ZNF616: variants seen among roughly 807,000 people sequenced by gnomAD.
ZNF616 encodes zinc finger protein 616.
In ZNF616, 5 loss-of-function variants were observed where a neutral mutation model predicts 7.6. The observed-to-expected ratio is 0.66, with a 90% CI of 0.34 to 1.38. The LOEUF is 1.38. Ranked by LOEUF, ZNF616 falls within the 40% of genes most tolerant of loss-of-function variation. The probability of loss-of-function intolerance (pLI) is 0.04; values close to 1 mark genes in which losing one functional copy is unlikely to be tolerated. For missense variants in ZNF616, 913 were observed against 948.3 expected (o/e 0.96, Z 0.49); for synonymous variants, 319 against 317.2 (o/e 1.01, Z -0.06).
At chr19:52,137,715 C>A (rs2089024910) in intron 1 of ZNF616, among the ~76,000 whole-genome samples, 1 of 152,092 alleles carries the variant, frequency 6.6e-6, no homozygotes, top group Non-Finnish European at 1.5e-5. Flanking sequence ...GGTGAGTTTA[C>A]CGCACTGGAC....
rs566783330 is a variant in ZNF616 at position 52,119,610 on chromosome 19, G to C, written c.140-2586C>G. 5.3e-5 allele frequency among the ~76,000 whole-genome samples: 8 copies of C among 152,174 alleles called. No individual in the cohort carries two copies. In the East Asian group the frequency reaches 1.4e-3, roughly 26 times the overall value. On this transcript the variant is annotated intron_variant, in intron 3 of 3. Transcript: ENST00000600228. ...AGGAGTAATGTGCATGGGGCAGCAG[G>C]GTTTGTGCTTGCAGAGCTGTAGGTA...
intron 1 of ZNF616, among the ~76,000 whole-genome samples, chr19:52,137,050 T>C (rs2089015935): frequency 1.3e-5 from 1 of 74,234 alleles, no homozygotes; most frequent in African/African-American, 5.0e-5. Context: ...TATTTATGTA[T>C]GTGTATATAT....
At position 52,116,596 on chromosome 19, in the gene ZNF616, A is replaced by G. The variant is rs1168826693; in HGVS notation, c.568T>C (p.Cys190Arg). ...GAAGACGCTTTAAAGGCTTTGCCAC[A>G]TTCATTACATACATACGTTTTTTCC... Reference protein sequence around the residue: ...IREKTYVCNECGKAFKASSSL... With the variant: ...IREKTYVCNERGKAFKASSSL... Residue 190 changes from cysteine to arginine, a missense_variant, in exon 4 of 4, where the codon TGT becomes CGT. By Grantham distance (180) the Cys-to-Arg change is radical (BLOSUM62 -3). Coordinates refer to ENST00000600228, the MANE Select transcript of ZNF616 (RefSeq NM_178523.5). 3 of 1,614,000 alleles carry G rather than the reference A, an allele frequency of 1.9e-6. No homozygotes were observed. Among genetic ancestry groups the G allele is most frequent in the African/African-American group, 2.7e-5 (2 of 74,934 alleles).
chr19:52,121,180 G>A (rs1406332019), intron 3 of ZNF616, among the ~76,000 whole-genome samples: 6 of 152,176 alleles, frequency 3.9e-5, no homozygotes, highest in Non-Finnish European at 8.8e-5. Context: ...TCAGCCTCCC[G>A]AGTAGCTGGG....
Position 52,114,862 on chromosome 19 carries a change from T to TA in ZNF616, c.2301dup (p.Thr768TyrfsTer8), listed in dbSNP as rs773704475. The TA allele has an allele frequency of 6.2e-7, 1 of 1,608,008 alleles. No homozygotes were observed. The highest frequency in any genetic ancestry group is 1.7e-5 in the Admixed American group (1 of 59,260). On this transcript the variant is annotated frameshift_variant, in exon 4 of 4. Coordinates refer to ENST00000600228, the MANE Select transcript of ZNF616 (RefSeq NM_178523.5). LOFTEE classifies it low-confidence loss of function (END_TRUNC). ...AGTTTAGTTGTAAGGCTCTCTCCAGTATGTCTTATTCGATGTTTAGTGAGG... is the reference window on the plus strand; with the variant it reads ...AGTTTAGTTGTAAGGCTCTCTCCAGTAATGTCTTATTCGATGTTTAGTGAGG...
chr19:52,116,783 A>G lies in ZNF616; in HGVS notation c.381T>C (p.Ser127=), dbSNP rs982857557. The G allele has an allele frequency of 6.2e-7, 1 of 1,614,116 alleles. No individual in the cohort carries two copies. Among genetic ancestry groups the G allele is most frequent in the Non-Finnish European group, 8.5e-7 (1 of 1,180,002 alleles). Residue 127 remains serine (S), a synonymous_variant, in exon 4 of 4, where the codon AGT becomes AGC. Transcript: ENST00000600228. ...TATGATTGTTTTCTACATCCCCTTG[A>G]CTATGTTGATCTCTTTTACCAGTAA... ...NNLTGKRDQH[S]QGDVENNHIE...
chr19:52,115,215 A>C lies in ZNF616; in HGVS notation c.1949T>G (p.Leu650Arg), dbSNP rs1263831926. Reference protein sequence around the residue: ...NSFSQRVHLRLHQTVHTGDRP... With the variant: ...NSFSQRVHLRRHQTVHTGDRP... Reference sequence around the variant, plus strand: ...GTCTCCAGTATGAACAGTCTGATGAAGTCTAAGATGGACACGCTGACTAAA... The same window carrying C: ...GTCTCCAGTATGAACAGTCTGATGACGTCTAAGATGGACACGCTGACTAAA... The change falls in exon 4 of 4, where the codon CTT becomes CGT. Residue 650 changes from leucine to arginine, a missense_variant. Coordinates refer to ENST00000600228, the MANE Select transcript of ZNF616 (RefSeq NM_178523.5). 1 of 1,614,176 alleles carries C rather than the reference A, an allele frequency of 6.2e-7. No individual in the cohort carries two copies. The highest frequency in any genetic ancestry group is 8.5e-7 in the Non-Finnish European group (1 of 1,180,036).
At chr19:52,135,858 G>C (rs1380706193) in intron 1 of ZNF616, among the ~76,000 whole-genome samples, 1 of 152,170 alleles carries the variant, frequency 6.6e-6, no homozygotes, top group Non-Finnish European at 1.5e-5. Flanking sequence ...GCCGGGCACA[G>C]TGGCTCATGC....
At chr19:52,128,719 G>A (rs2088931147) in intron 2 of ZNF616, among the ~76,000 whole-genome samples, 2 of 147,164 alleles carry the variant, frequency 1.4e-5, no homozygotes, top group African/African-American at 2.5e-5. Context: ...TCCAGCCTGG[G>A]CAACAAGACG....
At position 52,121,830 on chromosome 19, in the gene ZNF616, G is replaced by T. The variant is rs538191026; in HGVS notation, c.139+2093C>A. On this transcript the variant is annotated intron_variant, in intron 3 of 3. Coordinates refer to ENST00000600228, the MANE Select transcript of ZNF616 (RefSeq NM_178523.5). ...ATTCAAGATGGATATAGACTTAAAT[G>T]TAAGACCTCAGGCTACAAAAATCCT... is the stretch of plus-strand genomic sequence containing the variant. Among the ~76,000 whole-genome samples the T allele has an allele frequency of 3.9e-5, 6 of 152,192 alleles. No homozygotes were observed. In the South Asian group the frequency reaches 1.0e-3, roughly 26 times the overall value.
Position 52,115,279 on chromosome 19 carries a change from C to T in ZNF616, c.1885G>A (p.Gly629Arg), listed in dbSNP as rs750046139. 1.1e-5 allele frequency: 18 copies of T among 1,613,960 alleles called. No homozygotes were observed. The highest frequency in any genetic ancestry group is 3.3e-4 in the Middle Eastern group (2 of 6,082). ...TGATTGCATTTGTAAGGTTTCTCTC[C>T]GGTATGAATTCTCTGATGTCTATTG... is the stretch of plus-strand genomic sequence containing the variant. ...TLNRHQRIHT[G>R]EKPYKCNQCG... is the part of the protein sequence containing the mutation. Residue 629 changes from glycine (G) to arginine (R), a missense_variant, in exon 4 of 4, where the codon GGA (glycine) becomes AGA (arginine). By Grantham distance (125) the Gly-to-Arg change is moderately radical. Coordinates refer to ENST00000600228, the MANE Select transcript of ZNF616 (RefSeq NM_178523.5).
chr19:52,123,931 A>C lies in ZNF616; in HGVS notation c.131T>G (p.Val44Gly). The change falls in exon 3 of 4, where the codon GTC becomes GGC. Residue 44 changes from valine (V) to glycine (G), a missense_variant. Transcript: ENST00000600228. ...DVMLENYRNLVFLGISPKCVI... is the reference protein window; with the variant it reads ...DVMLENYRNLGFLGISPKCVI... ...AAGGAAATTATACTCACCTAGGAAG[A>C]CCAGGTTCCTATAGTTCTCCAACAT... 1.9e-6 allele frequency: 3 copies of C among 1,614,002 alleles called. No individual in the cohort carries two copies. Among genetic ancestry groups the C allele is most frequent in the Non-Finnish European group, 2.5e-6 (3 of 1,179,924 alleles).
In ZNF616 at chr19:52,116,026, G is replaced by A; in HGVS notation, c.1138C>T (p.Gln380Ter). ...TTGCCACATTCATTGCATTTGTATTGTTTCTCTCCACTGTGGATTCTCCGG... is the reference window on the plus strand; with the variant it reads ...TTGCCACATTCATTGCATTTGTATTATTTCTCTCCACTGTGGATTCTCCGG... ...CHRRIHSGEK[Q>*]YKCNECGKVF... Residue 380 changes from glutamine to a stop codon, truncating the protein, a stop_gained, in exon 4 of 4, where the codon CAA (glutamine) becomes TAA (stop). Coordinates refer to ENST00000600228, the MANE Select transcript of ZNF616 (RefSeq NM_178523.5). LOFTEE classifies it low-confidence loss of function (END_TRUNC). The A allele has an allele frequency of 6.2e-7, 1 of 1,614,124 alleles. No individual in the cohort carries two copies. Among genetic ancestry groups the A allele is most frequent in the Non-Finnish European group, 8.5e-7 (1 of 1,180,024 alleles).
chr19:52,124,392 T>C (rs1600124566), intron 2 of ZNF616, among the ~76,000 whole-genome samples: 1 of 152,212 alleles, frequency 6.6e-6, no homozygotes, highest in Non-Finnish European at 1.5e-5. Flanking sequence ...GAGATGACAA[T>C]GTCTACAGCG....
chr19:52,118,438 A>G (rs1177975104), intron 3 of ZNF616, among the ~76,000 whole-genome samples: 2 of 152,214 alleles, frequency 1.3e-5, no homozygotes, highest in Non-Finnish European at 2.9e-5. Context: ...CAAAATTCCT[A>G]TGTTGAGGAC....
intron 3 of ZNF616, among the ~76,000 whole-genome samples, chr19:52,117,482 C>G (rs533558622): frequency 6.6e-6 from 1 of 152,158 alleles, no homozygotes; most frequent in South Asian, 2.1e-4. Flanking sequence ...AATTAATAAT[C>G]ATCATATAAA....
At chr19:52,137,432 T>C (rs1254103521) in intron 1 of ZNF616, among the ~76,000 whole-genome samples, 1 of 151,530 alleles carries the variant, frequency 6.6e-6, no homozygotes, top group Non-Finnish European at 1.5e-5. Flanking sequence ...GTCTCAAAAA[T>C]AAAAAATAAA....
chr19:52,126,942 T>C (rs1384556336), intron 2 of ZNF616, among the ~76,000 whole-genome samples: 3 of 151,992 alleles, frequency 2.0e-5, no homozygotes, highest in Admixed American at 1.3e-4. Flanking sequence ...ATGAAAGACA[T>C]AATAAAGATA....
In ZNF616 at chr19:52,114,753, G is replaced by A; in HGVS notation, c.*65C>T. The A allele has an allele frequency of 6.7e-7, 1 of 1,492,456 alleles. No individual in the cohort carries two copies. The highest frequency in any genetic ancestry group is 9.0e-7 in the Non-Finnish European group (1 of 1,115,858). 92.5% of individuals were successfully genotyped at this position (1,492,456 alleles called of 1,614,324 possible). ...ATTCCACAGGGATTTCAAGAGAAGG[G>A]GTAAATATACAAGGTATATCAGTAA... On this transcript the variant is annotated 3_prime_UTR_variant, in exon 4 of 4. Transcript: ENST00000600228.
Sources: gnomAD v4.1 joint callset for allele counts (sites outside exome capture counted in the v4.1 genomes callset) on GRCh38, gnomAD v4.1.1 for gene constraint, MANE v1.5 for transcripts, NCBI Gene and HGNC (gene_info 2026-07-23, HGNC 2026-07-21) for gene names.